CHIA: variants seen among roughly 807,000 people sequenced by gnomAD.
The protein encoded by CHIA is chitinase acidic.
In CHIA, 47 loss-of-function variants were observed where a neutral mutation model predicts 53.5. The observed-to-expected ratio is 0.88, with a 90% CI of 0.70 to 1.12. The LOEUF (loss-of-function observed/expected upper bound fraction) is 1.12. Among genes scored for constraint, CHIA ranks in the 50% most tolerant of loss-of-function variants. The pLI, the probability that CHIA is intolerant of heterozygous loss-of-function variation, is 0.00. For synonymous variants in CHIA, 268 were observed against 222.2 expected (o/e 1.21, Z -1.83); for missense variants, 652 against 592.2 (o/e 1.10, Z -1.05).
At chr1:111,299,784 T>C (rs1647552497) in intron 1 of CHIA, among the ~76,000 whole-genome samples, 1 of 151,496 alleles carries the variant, frequency 6.6e-6, no homozygotes, top group Admixed American at 6.6e-5. Flanking sequence ...AATTAGGAAG[T>C]CAAATTGTCC....
rs951235634 is a variant in CHIA, at chr1:111,300,160, G to A, written c.-69+9210G>A. On this transcript the variant is annotated intron_variant, in intron 1 of 11. Transcript: ENST00000369740. ...TCGTGAAAATGGCCATACTACCCAA[G>A]GTAATTTATAGATTCAATGCCATCC... Among the ~76,000 whole-genome samples the A allele has an allele frequency of 1.1e-4, 16 of 151,908 alleles. 1 individual carries two copies. The highest frequency in any genetic ancestry group is 1.7e-4 in the African/African-American group (7 of 41,346).
At chr1:111,315,456 C>T (rs751431610) in intron 6 of CHIA, 21 bp downstream of exon 6, 2 of 1,603,850 alleles carry the variant, frequency 1.2e-6, no homozygotes, top group South Asian at 1.1e-5. Flanking sequence ...AAGTCCCAGT[C>T]TTTAGCCCAA....
chr1:111,314,574 G>C lies in CHIA; in HGVS notation c.292G>C (p.Gly98Arg). 2 of 1,613,616 alleles carry C rather than the reference G, an allele frequency of 1.2e-6. No individual in the cohort carries two copies. Among genetic ancestry groups the C allele is most frequent in the Non-Finnish European group, 1.7e-6 (2 of 1,179,540 alleles). Residue 98 changes from glycine to arginine, a missense_variant, in exon 5 of 12, where the codon GGC becomes CGC. Physicochemically the swap from Gly to Arg is moderately radical, Grantham distance 125 (BLOSUM62 -2). Coordinates refer to ENST00000369740, the MANE Select transcript of CHIA (RefSeq NM_201653.4). ...GCTGAAAACTCTCCTGGCCATTGGAGGCTGGAACTTCGGGACTGCCCCGTA... is the reference window on the plus strand; with the variant it reads ...GCTGAAAACTCTCCTGGCCATTGGACGCTGGAACTTCGGGACTGCCCCGTA... ...SQLKTLLAIG[G>R]WNFGTAPFTA...
At chr1:111,318,715 C>G in intron 9 of CHIA, 37 bp downstream of exon 9, 1 of 1,583,946 alleles carries the variant, frequency 6.3e-7, no homozygotes, top group Non-Finnish European at 8.6e-7. Flanking sequence ...CTGTGAATTC[C>G]GTGCACTGTG....
chr1:111,312,434 T>C, intron 4 of CHIA, 43 bp downstream of exon 4: 1 of 1,457,770 alleles, frequency 6.9e-7, no homozygotes, highest in East Asian at 2.3e-5. Context: ...CCTTTTTCAG[T>C]ACTTCCCAAA....
intron 7 of CHIA, 68 bp downstream of exon 7, chr1:111,317,873 C>G: frequency 6.2e-7 from 1 of 1,610,674 alleles, no homozygotes; most frequent in South Asian, 1.1e-5. Context: ...TGTCCTTGGT[C>G]TGGCTTGCTA....
At chr1:111,304,867 T>G (rs12123007) in intron 1 of CHIA, among the ~76,000 whole-genome samples, 13,633 of 152,236 alleles carry the variant, frequency 0.09, 649 homozygotes, top group Middle Eastern at 0.13. Flanking sequence ...GAAAAGCAGA[T>G]TCTCCCCTTT....
At chr1:111,308,662 G>A (rs1385644307) in intron 1 of CHIA, among the ~76,000 whole-genome samples, 2 of 152,038 alleles carry the variant, frequency 1.3e-5, no homozygotes, top group African/African-American at 4.8e-5. Flanking sequence ...TTGAGGGTCT[G>A]GTGTCATACA....
At position 111,300,727 on chromosome 1, in the gene CHIA, C is replaced by T. The variant is rs545808496; in HGVS notation, c.-68-9673C>T. Among the ~76,000 whole-genome samples, 3 of 152,124 alleles carry T rather than the reference C, an allele frequency of 2.0e-5. No individual in the cohort carries two copies. In the East Asian group the frequency reaches 5.8e-4, roughly 29 times the overall value. The stretch of plus-strand genomic sequence containing the variant: ...AATGCCAACAAAAGCCAAAATAGAC[C>T]AATGGGATCTAATTAAACTAAAGAG... On this transcript the variant is annotated intron_variant, in intron 1 of 11. Coordinates refer to ENST00000369740, the MANE Select transcript of CHIA (RefSeq NM_201653.4).
In CHIA at chr1:111,320,251, G is replaced by A; in HGVS notation, c.1216G>A (p.Ala406Thr). Residue 406 changes from alanine to threonine, a missense_variant, in exon 12 of 12, where the codon GCT (alanine) becomes ACT (threonine). Coordinates refer to ENST00000369740, the MANE Select transcript of CHIA (RefSeq NM_201653.4). ...APAQPIEPIT[A>T]APSGSGNGSG... ...AGCTCAGCCCATTGAGCCAATAACT[G>A]CTGCTCCCAGTGGCAGCGGGAACGG... 6.2e-7 allele frequency: 1 copy of A among 1,614,000 alleles called. No individual in the cohort carries two copies. Among genetic ancestry groups the A allele is most frequent in the African/African-American group, 1.3e-5 (1 of 75,038 alleles).
In CHIA at chr1:111,312,310, C is replaced by T. The variant is rs1447207637; in HGVS notation, c.176C>T (p.Ala59Val). The change falls in exon 4 of 12, where the codon GCT becomes GTT. Residue 59 changes from alanine to valine, a missense_variant. Transcript: ENST00000369740. ...TGTACCCACCTGATCTACGCCTTTG[C>T]TGGGAGGCAGAACAACGAGATCACC... ...CLCTHLIYAF[A>V]GRQNNEITTI... The T allele has an allele frequency of 6.2e-7, 1 of 1,613,910 alleles. No homozygotes were observed. The highest frequency in any genetic ancestry group is 1.1e-5 in the South Asian group (1 of 91,048).
intron 11 of CHIA, among the ~76,000 whole-genome samples, chr1:111,319,819 C>A (rs1046076368): frequency 6.6e-6 from 1 of 152,220 alleles, no homozygotes; most frequent in Non-Finnish European, 1.5e-5. Flanking sequence ...AAACCCTCAC[C>A]AATGCTCACA....
At position 111,312,308 on chromosome 1, in the gene CHIA, T is replaced by C; in HGVS notation, c.174T>C (p.Phe58=). The C allele has an allele frequency of 1.9e-6, 3 of 1,614,166 alleles. No individual in the cohort carries two copies. Among genetic ancestry groups the C allele is most frequent in the Non-Finnish European group, 2.5e-6 (3 of 1,180,006 alleles). The part of the protein sequence containing the change: ...PCLCTHLIYA[F]AGRQNNEITT... ...TCTGTACCCACCTGATCTACGCCTT[T>C]GCTGGGAGGCAGAACAACGAGATCA... The change falls in exon 4 of 12, where the codon TTT becomes TTC. Residue 58 remains phenylalanine, a synonymous_variant. Coordinates refer to ENST00000369740, the MANE Select transcript of CHIA (RefSeq NM_201653.4).
intron 10 of CHIA, 40 bp from the exon 11 acceptor site, chr1:111,319,287 G>T: frequency 6.2e-7 from 1 of 1,614,044 alleles, no homozygotes. Context: ...CTGAGTCCCA[G>T]GAAAGCAAGT....
At chr1:111,318,461 T>C in intron 8 of CHIA, 32 bp from the exon 9 acceptor site, 1 of 1,588,648 alleles carries the variant, frequency 6.3e-7, no homozygotes, top group East Asian at 2.2e-5. Flanking sequence ...CTCAGCTGGT[T>C]GGGCCATGTA....
chr1:111,298,610 C>T (rs1417671780), intron 1 of CHIA, among the ~76,000 whole-genome samples: 4 of 152,152 alleles, frequency 2.6e-5, no homozygotes, highest in Admixed American at 6.5e-5. Flanking sequence ...AAATTTATAG[C>T]ACTAAATGCC....
chr1:111,312,917 C>T (rs1648805779), intron 4 of CHIA, among the ~76,000 whole-genome samples: 1 of 151,898 alleles, frequency 6.6e-6, no homozygotes, highest in Non-Finnish European at 1.5e-5. Flanking sequence ...TCTTTCTGTG[C>T]CTGGTTTATC....
At chr1:111,309,151 A>G in intron 1 of CHIA, among the ~76,000 whole-genome samples, 1 of 152,222 alleles carries the variant, frequency 6.6e-6, no homozygotes, top group East Asian at 1.9e-4. Flanking sequence ...ACAAACCTGC[A>G]CACCTTGCAC....
intron 1 of CHIA, among the ~76,000 whole-genome samples, chr1:111,296,151 C>T (rs1381103296): frequency 1.3e-5 from 2 of 152,234 alleles, no homozygotes; most frequent in Non-Finnish European, 2.9e-5. Flanking sequence ...GAACAAAAGG[C>T]AGCAGAAACT....
Sources: allele counts gnomAD v4.1 joint callset (sites outside exome capture counted in the v4.1 genomes callset), GRCh38; gene constraint gnomAD v4.1.1; transcripts MANE v1.5; gene names NCBI Gene and HGNC (gene_info 2026-07-23, HGNC 2026-07-21).